The following LANCL2 variants were observed in gnomAD, a reference collection of about 807,000 sequenced individuals.
LANCL2 encodes LanC like glutathione S-transferase 2.
In LANCL2, 33 loss-of-function variants were observed where a neutral mutation model predicts 56.9. The observed-to-expected ratio is 0.58, with a 90% CI of 0.44 to 0.78. The LOEUF is 0.78. LANCL2 is among the 30% of genes least tolerant of loss of function. LANCL2 has a pLI of 0.00. For synonymous variants in LANCL2, 233 were observed against 228.2 expected (o/e 1.02, Z -0.19); for missense variants, 562 against 580.2 (o/e 0.97, Z 0.32).
In LANCL2 at chr7:55,413,097, A is replaced by G. The variant is rs79311663; in HGVS notation, c.1008+1008A>G. Among the ~76,000 whole-genome samples, 230 of 152,358 alleles carry G rather than the reference A, an allele frequency of 1.5e-3. 1 individual carries two copies. The highest frequency in any genetic ancestry group is 8.8e-4 in the Non-Finnish European group (60 of 68,024). On this transcript the variant is annotated intron_variant, in intron 6 of 8. Transcript: ENST00000254770. The stretch of plus-strand genomic sequence containing the variant: ...ATGATCATTCAAGAAAACAACTCAG[A>G]AAGTTACGACGTTTGGTCAGTGAAA...
chr7:55,390,311 A>G (rs1790172049), intron 1 of LANCL2, among the ~76,000 whole-genome samples: 1 of 152,216 alleles, frequency 6.6e-6, no homozygotes, highest in Admixed American at 6.5e-5. Flanking sequence ...ATTTATAAAA[A>G]TCAGCAAAGG....
chr7:55,429,250 G>A (rs1050114760), intron 8 of LANCL2, among the ~76,000 whole-genome samples: 12 of 152,180 alleles, frequency 7.9e-5, no homozygotes, highest in African/African-American at 2.9e-4. Flanking sequence ...GGAAGAATTG[G>A]TATTAGTGTA....
At chr7:55,401,709 C>T (rs1268192878) in intron 5 of LANCL2, among the ~76,000 whole-genome samples, 3 of 133,856 alleles carry the variant, frequency 2.2e-5, no homozygotes, top group Non-Finnish European at 4.8e-5. Flanking sequence ...GTTTGTGTCC[C>T]TGGGTACTTG....
chr7:55,402,252 AC>A (rs1214172402), intron 5 of LANCL2, among the ~76,000 whole-genome samples: 1 of 118,518 alleles, frequency 8.4e-6, no homozygotes, highest in African/African-American at 3.2e-5. Context: ...CGGGGGGCTG[AC>A]CCCCCCGCCT....
At chr7:55,390,473 G>C (rs1583749190) in intron 1 of LANCL2, among the ~76,000 whole-genome samples, 1 of 152,186 alleles carries the variant, frequency 6.6e-6, no homozygotes, top group African/African-American at 2.4e-5. Context: ...GGGTGTGGTG[G>C]CGGGTGCTTG....
intron 6 of LANCL2, among the ~76,000 whole-genome samples, chr7:55,415,038 C>T (rs1790512322): frequency 1.4e-5 from 2 of 146,432 alleles, no homozygotes; most frequent in East Asian, 2.0e-4. Context: ...TAACAATATT[C>T]TACATTGTAT....
At chr7:55,399,072 G>A (rs942193735) in intron 3 of LANCL2, among the ~76,000 whole-genome samples, 7 of 152,130 alleles carry the variant, frequency 4.6e-5, no homozygotes, top group Non-Finnish European at 8.8e-5. Context: ...CCTAGGGTCT[G>A]GTAGAGTATC....
intron 6 of LANCL2, among the ~76,000 whole-genome samples, chr7:55,416,980 T>TG (rs1357834929): frequency 0.26 from 33,565 of 131,306 alleles, 4,274 homozygotes; most frequent in Non-Finnish European, 0.31. Context: ...TTTTTTTTTT[T>TG]TTTTTTTTTT....
intron 5 of LANCL2, among the ~76,000 whole-genome samples, chr7:55,408,409 G>A (rs1790434688): frequency 6.6e-6 from 1 of 152,184 alleles, no homozygotes; most frequent in Non-Finnish European, 1.5e-5. Context: ...GCTCATGCCT[G>A]TAATCCCAGC....
At chr7:55,391,633 C>G (rs369604559) in intron 1 of LANCL2, among the ~76,000 whole-genome samples, 160 bp from the exon 2 acceptor site, 1 of 151,712 alleles carries the variant, frequency 6.6e-6, no homozygotes, top group Non-Finnish European at 1.5e-5. Flanking sequence ...AAAAAGTAAC[C>G]TTATAAAAAC....
chr7:55,421,946 A>G (rs1394977994), intron 6 of LANCL2, among the ~76,000 whole-genome samples: 3 of 151,950 alleles, frequency 2.0e-5, no homozygotes, highest in Admixed American at 1.3e-4. Context: ...TGCCCAGGCT[A>G]GTCTCGAACT....
chr7:55,369,979 CACTT>C (rs1789924817), intron 1 of LANCL2, among the ~76,000 whole-genome samples: 2 of 152,192 alleles, frequency 1.3e-5, no homozygotes, highest in Admixed American at 6.5e-5. Flanking sequence ...TCTTTATAAA[CACTT>C]ACGATCTCAT....
chr7:55,405,218 C>T (rs1790391500), intron 5 of LANCL2, among the ~76,000 whole-genome samples: 2 of 152,142 alleles, frequency 1.3e-5, no homozygotes. Flanking sequence ...CAGGAGGAGA[C>T]TGTTGCCCTG....
In LANCL2 at chr7:55,396,523, G is replaced by A. The variant is rs114174554; in HGVS notation, c.323-1900G>A. On this transcript the variant is annotated intron_variant, in intron 2 of 8. Coordinates refer to ENST00000254770, the MANE Select transcript of LANCL2 (RefSeq NM_018697.4). The stretch of plus-strand genomic sequence containing the variant: ...CTGGCCATCCTGGCCAACTGAGGGC[G>A]TGGGGATGGGAGGCACTGGTGCAGT... Among the ~76,000 whole-genome samples the A allele has an allele frequency of 4.2e-3, 647 of 152,336 alleles. 8 individuals are homozygous for A. The highest frequency in any genetic ancestry group is 0.015 in the African/African-American group (628 of 41,578).
intron 6 of LANCL2, among the ~76,000 whole-genome samples, chr7:55,413,833 C>A (rs944942029): frequency 6.6e-6 from 1 of 152,166 alleles, no homozygotes; most frequent in South Asian, 2.1e-4. Context: ...CATTAAGATT[C>A]TTGAACATGA....
chr7:55,383,378 T>C (rs887679182), intron 1 of LANCL2, among the ~76,000 whole-genome samples: 3 of 152,132 alleles, frequency 2.0e-5, no homozygotes, highest in Non-Finnish European at 4.4e-5. Context: ...CTGATTTACA[T>C]AGGGCCCAGG....
chr7:55,412,122 T>G (rs1291108610), intron 6 of LANCL2, 33 bp downstream of exon 6: 2 of 1,578,908 alleles, frequency 1.3e-6, no homozygotes, highest in African/African-American at 2.7e-5. Flanking sequence ...CCGTCCCCTG[T>G]GTGGGGAGCC....
Position 55,391,861 on chromosome 7 carries a change from G to A in LANCL2, c.273G>A (p.Gly91=), listed in dbSNP as rs533639681. ...IKDLLQQMEE[G]LKTADPHDCS... ...ATCTTCTGCAGCAAATGGAAGAAGG[G>A]CTGAAGACAGCTGATCCCCATGACT... Residue 91 remains glycine (G), a synonymous_variant, in exon 2 of 9, where the codon GGG becomes GGA. Transcript: ENST00000254770. The A allele has an allele frequency of 1.6e-4, 264 of 1,612,918 alleles. 2 individuals are homozygous for A. The South Asian group carries it at 2.7e-3, about 16-fold the overall frequency.
At chr7:55,397,568 T>C (rs1422845410) in intron 2 of LANCL2, among the ~76,000 whole-genome samples, 1 of 149,548 alleles carries the variant, frequency 6.7e-6, no homozygotes, top group East Asian at 2.0e-4. Context: ...ATGAAAGAAA[T>C]ATTTCATTTG....
Sources: allele counts gnomAD v4.1 joint callset (sites outside exome capture counted in the v4.1 genomes callset), GRCh38; gene constraint gnomAD v4.1.1; transcripts MANE v1.5; gene names NCBI Gene and HGNC (gene_info 2026-07-23, HGNC 2026-07-21).